The following TMEM200A variants were observed in gnomAD, a reference collection of about 807,000 sequenced individuals.
TMEM200A encodes two transmembrane C.
In TMEM200A, 12 loss-of-function variants were observed where a neutral mutation model predicts 24.3. That is an observed-to-expected ratio of 0.49 (90% CI 0.32 to 0.80). The LOEUF (loss-of-function observed/expected upper bound fraction) is 0.80. Among genes scored for constraint, TMEM200A ranks in the 30% least tolerant of loss-of-function variants. TMEM200A has a pLI of 0.04. For missense variants in TMEM200A, 545 were observed against 614.4 expected (o/e 0.89, Z 1.19); for synonymous variants, 224 against 224.4 (o/e 1.00, Z 0.02).
intron 2 of TMEM200A, among the ~76,000 whole-genome samples, chr6:130,395,952 C>T (rs901565854): frequency 7.2e-5 from 11 of 152,110 alleles, no homozygotes; most frequent in African/African-American, 2.7e-4. Context: ...AACATTTAAA[C>T]AGCTCCATCT....
chr6:130,425,996 A>ATT (rs1045232426), intron 2 of TMEM200A, among the ~76,000 whole-genome samples: 1 of 152,212 alleles, frequency 6.6e-6, no homozygotes, highest in African/African-American at 2.4e-5. Flanking sequence ...TCATAACACT[A>ATT]TTAGTATTTG....
chr6:130,441,857 A>G lies in TMEM200A; in HGVS notation c.1435A>G (p.Ser479Gly), dbSNP rs1780200723. ...GAGTTTTGAACATGATGAGTTTTTG[A>G]GTAACAACCTAAAGAGGGGAACTTC... The part of the protein sequence containing the change: ...NLSFEHDEFL[S>G]NNLKRGTSET... Residue 479 changes from serine (S) to glycine (G), a missense_variant, in exon 3 of 3, where the codon AGT becomes GGT. By Grantham distance (56) the Ser-to-Gly change is moderately conservative. Transcript: ENST00000296978. The G allele has an allele frequency of 6.2e-7, 1 of 1,612,072 alleles. No individual in the cohort carries two copies. The highest frequency in any genetic ancestry group is 1.3e-5 in the African/African-American group (1 of 74,776).
rs1468870129 is a variant in TMEM200A at position 130,396,522 on chromosome 6, G to C, written c.-17+11286G>C. Among the ~76,000 whole-genome samples the C allele has an allele frequency of 1.3e-5, 2 of 151,046 alleles. 1 individual carries two copies. Among genetic ancestry groups the C allele is most frequent in the South Asian group, 4.2e-4 (2 of 4,816 alleles). ...TTCTTTCTAAAAAATCAGATATTTT[G>C]GAAAAAATATAAAGAAGTAAATAAA... On this transcript the variant is annotated intron_variant, in intron 2 of 2. Transcript: ENST00000296978.
intron 2 of TMEM200A, among the ~76,000 whole-genome samples, chr6:130,402,082 A>G (rs1345339673): frequency 6.6e-6 from 1 of 151,782 alleles, no homozygotes; most frequent in Non-Finnish European, 1.5e-5. Flanking sequence ...TTAAAAAAAA[A>G]AAACCTTAAG....
At chr6:130,403,421 CT>C in intron 2 of TMEM200A, among the ~76,000 whole-genome samples, 1 of 151,974 alleles carries the variant, frequency 6.6e-6, no homozygotes, top group East Asian at 1.9e-4. Context: ...AGAATTAGTT[CT>C]TTTTTAACTT....
chr6:130,392,262 T>C (rs1178696358), intron 2 of TMEM200A, among the ~76,000 whole-genome samples: 1 of 152,200 alleles, frequency 6.6e-6, no homozygotes, highest in Non-Finnish European at 1.5e-5. Context: ...TAGAAAACAA[T>C]GCATAGCCTG....
intron 1 of TMEM200A, among the ~76,000 whole-genome samples, chr6:130,368,105 T>C (rs1450099622): frequency 6.6e-6 from 1 of 152,226 alleles, no homozygotes; most frequent in Non-Finnish European, 1.5e-5. Context: ...GTACTTGTTA[T>C]TTTAACTTAG....
In TMEM200A at chr6:130,366,635, C is replaced by A. The variant is rs1482601231; in HGVS notation, c.-81+111C>A. ...TGCCCTCCCCTCCCCTCCGCTACAG[C>A]CTCCAGAGTTAGGTAAACGCTGTCT... On this transcript the variant is annotated intron_variant, in intron 1 of 2. Transcript: ENST00000296978. The surrounding 1 kb of genome is among the most constrained non-coding windows in gnomAD (Gnocchi z 4.4). 4 of 911,516 alleles carry A rather than the reference C, an allele frequency of 4.4e-6. No homozygotes were observed. The East Asian group carries it at 4.8e-4, about 109-fold the overall frequency. The allele number at this position is 911,516 out of a possible 1,614,324, so 56.5% of individuals were successfully genotyped here. A position where few individuals can be genotyped will look rare whatever the true frequency, so the allele number is the denominator to read the frequency against.
At position 130,399,564 on chromosome 6, in the gene TMEM200A, C is replaced by A. The variant is rs537147136; in HGVS notation, c.-17+14328C>A. 8.1e-4 allele frequency among the ~76,000 whole-genome samples: 123 copies of A among 151,796 alleles called. 1 individual carries two copies. The highest frequency in any genetic ancestry group is 2.9e-3 in the African/African-American group (120 of 41,508). On this transcript the variant is annotated intron_variant, in intron 2 of 2. Transcript: ENST00000296978. ...AATTTATTATTATATTTTTATTCGA[C>A]AAATTTTGTTTAAAAACACCATTTC...
intron 2 of TMEM200A, among the ~76,000 whole-genome samples, chr6:130,436,130 A>G (rs1780001911): frequency 6.6e-6 from 1 of 152,128 alleles, no homozygotes; most frequent in Non-Finnish European, 1.5e-5. Flanking sequence ...GCCCCTCCCC[A>G]TCTCAAATGG....
At chr6:130,365,994 C>G, upstream of TMEM200A, 1 of 985,576 alleles carries the variant, frequency 1.0e-6, no homozygotes. Flanking sequence ...GGCTTTATGG[C>G]GTGAGGTTTG....
chr6:130,368,722 C>A (rs532789958), intron 1 of TMEM200A, among the ~76,000 whole-genome samples: 1 of 152,278 alleles, frequency 6.6e-6, no homozygotes, highest in Admixed American at 6.5e-5. Context: ...AAATGTACCA[C>A]AGATCACCTG....
intron 2 of TMEM200A, among the ~76,000 whole-genome samples, chr6:130,411,398 C>T (rs1220245814): frequency 2.0e-5 from 3 of 152,074 alleles, no homozygotes; most frequent in Non-Finnish European, 4.4e-5. Flanking sequence ...CCTCCAGGTA[C>T]CTTAGTGTGC....
intron 2 of TMEM200A, among the ~76,000 whole-genome samples, chr6:130,386,974 G>A (rs1406872308): frequency 6.6e-6 from 1 of 152,178 alleles, no homozygotes; most frequent in Admixed American, 6.5e-5. Flanking sequence ...GGTGGAGGCA[G>A]TCACACAGTT....
chr6:130,422,354 C>T (rs1019548418), intron 2 of TMEM200A, among the ~76,000 whole-genome samples: 8 of 152,042 alleles, frequency 5.3e-5, no homozygotes, highest in Admixed American at 6.6e-5. Context: ...CTGCAACTTC[C>T]GCCTCCGGGG....
intron 1 of TMEM200A, among the ~76,000 whole-genome samples, chr6:130,371,035 G>A (rs1778310380): frequency 6.6e-6 from 1 of 152,172 alleles, no homozygotes; most frequent in Non-Finnish European, 1.5e-5. Flanking sequence ...TAGAGTAATG[G>A]CAGCAAGAAT....
intron 2 of TMEM200A, among the ~76,000 whole-genome samples, chr6:130,408,349 T>C (rs1468392484): frequency 6.6e-6 from 1 of 152,182 alleles, no homozygotes; most frequent in African/African-American, 2.4e-5. Context: ...ATGATAAACC[T>C]CTTCCCAGAC....
intron 2 of TMEM200A, among the ~76,000 whole-genome samples, chr6:130,420,335 T>A (rs1023975063): frequency 6.6e-6 from 1 of 152,198 alleles, no homozygotes; most frequent in Non-Finnish European, 1.5e-5. Context: ...CTTACTCATG[T>A]CCATTGTGAT....
rs528193433 is a variant in TMEM200A, at chr6:130,417,296, A to C, written c.-16-23111A>C. ...TGAAAGACTGATTTGAATGTCACTC[A>C]AACACTTTTGGTGTTGAATTATTCT... On this transcript the variant is annotated intron_variant, in intron 2 of 2. Coordinates refer to ENST00000296978, the MANE Select transcript of TMEM200A (RefSeq NM_001258277.2). Among the ~76,000 whole-genome samples the C allele has an allele frequency of 2.6e-4, 39 of 152,354 alleles. 1 individual carries two copies. Among genetic ancestry groups the C allele is most frequent in the African/African-American group, 8.7e-4 (36 of 41,594 alleles).
Sources: gnomAD v4.1 joint callset for allele counts (sites outside exome capture counted in the v4.1 genomes callset) on GRCh38, gnomAD v4.1.1 for gene constraint, Gnocchi (gnomAD v3.1) non-coding constraint, MANE v1.5 for transcripts, NCBI Gene and HGNC (gene_info 2026-07-23, HGNC 2026-07-21) for gene names.